Variants in EVPL observed in about 807,000 individuals in gnomAD.
The protein encoded by EVPL is envoplakin.
In EVPL, 94 loss-of-function variants were observed where a neutral mutation model predicts 129.7. The ratio of observed to expected loss-of-function variants is 0.72; its 90% CI spans 0.61 to 0.86. The LOEUF is 0.86. Among genes scored for constraint, EVPL ranks in the 40% least tolerant of loss-of-function variants. The pLI, the probability that EVPL is intolerant of heterozygous loss-of-function variation, is 0.00. For missense variants in EVPL, 2,625 were observed against 2,721.1 expected (o/e 0.96, Z 0.79); for synonymous variants, 1,172 against 1,191.1 (o/e 0.98, Z 0.33).
rs539757864 is a variant in EVPL at position 76,022,155 on chromosome 17, G to A, written c.645+34C>T. The A allele has an allele frequency of 1.2e-6, 2 of 1,609,056 alleles. No individual in the cohort carries two copies. The highest frequency in any genetic ancestry group is 2.2e-5 in the East Asian group (1 of 44,816). On this transcript the variant is annotated intron_variant, in intron 6 of 21. Coordinates refer to ENST00000301607, the MANE Select transcript of EVPL (RefSeq NM_001988.4). This position sits in a 1 kb window ranked among gnomAD's most constrained non-coding sequence, Gnocchi z 5.6. ...TCCGGGCGGCCACCCAGGCCCACCCGCAGCCTCCCTGCCCGACCCTCCCTC... is the reference window on the plus strand; with the variant it reads ...TCCGGGCGGCCACCCAGGCCCACCCACAGCCTCCCTGCCCGACCCTCCCTC...
Position 76,017,758 on chromosome 17 carries a change from C to T in EVPL, c.1691G>A (p.Gly564Asp), listed in dbSNP as rs755179988. The T allele has an allele frequency of 6.8e-6, 11 of 1,612,496 alleles. No homozygotes were observed. Among genetic ancestry groups the T allele is most frequent in the East Asian group, 4.5e-5 (2 of 44,878 alleles). ...SRPTPLEDLE[G>D]RIHSHEGTAQ... Reference sequence around the variant, plus strand: ...ACCCACCTCATGGCTGTGGATGCGGCCCTCCAAGTCCTCCAAGGGTGTGGG... The same window carrying T: ...ACCCACCTCATGGCTGTGGATGCGGTCCTCCAAGTCCTCCAAGGGTGTGGG... The change falls in exon 14 of 22, where the codon GGC (glycine) becomes GAC (aspartate). Residue 564 changes from glycine (G) to aspartate (D), a missense_variant. Coordinates refer to ENST00000301607, the MANE Select transcript of EVPL (RefSeq NM_001988.4).
At chr17:76,021,607 GTCC>G in intron 8 of EVPL, 44 bp from the exon 9 acceptor site, 1 of 1,119,728 alleles carries the variant, frequency 8.9e-7, no homozygotes, top group Non-Finnish European at 1.2e-6. Context: ...CCCCCCCCAC[GTCC>G]GCCCCACCTC....
chr17:76,021,423 G>A (rs750745504), intron 9 of EVPL, 45 bp downstream of exon 9: 15 of 1,526,954 alleles, frequency 9.8e-6, no homozygotes, highest in Admixed American at 3.7e-5. Context: ...CGCCCCTGCC[G>A]CCCCTGCCGC....
rs759430874 is a variant in EVPL, at chr17:76,007,921, C to T, written c.5284G>A (p.Glu1762Lys). 1.2e-6 allele frequency: 2 copies of T among 1,614,096 alleles called. No homozygotes were observed. The highest frequency in any genetic ancestry group is 1.7e-6 in the Non-Finnish European group (2 of 1,180,032). The change falls in exon 22 of 22, where the codon GAG becomes AAG. Residue 1762 changes from glutamate to lysine, a missense_variant. Coordinates refer to ENST00000301607, the MANE Select transcript of EVPL (RefSeq NM_001988.4). The surrounding 1 kb of genome is among the most constrained non-coding windows in gnomAD (Gnocchi z 8.8). ...ALRCRRISKE[E>K]YHLYKDGHLP... ...TGGCCGTCCTTGTACAGATGGTACT[C>T]CTCCTTAGAGATGCGCCGGCAGCGG...
chr17:76,013,918 C>T lies in EVPL; in HGVS notation c.2373+508G>A, dbSNP rs1435117187. On this transcript the variant is annotated intron_variant, in intron 18 of 21. Transcript: ENST00000301607. The surrounding 1 kb of genome is among the most constrained non-coding windows in gnomAD (Gnocchi z 4.3). ...TGTGGTCTGCCCATCTGGTCGCCCT[C>T]GCCCCTGAGTCCCCCTCCTTTCCCC... Among the ~76,000 whole-genome samples, 1 of 152,132 alleles carries T rather than the reference C, an allele frequency of 6.6e-6. No individual in the cohort carries two copies.
chr17:76,015,017 C>G lies in EVPL; in HGVS notation c.2121G>C (p.Gln707His). The G allele has an allele frequency of 6.3e-7, 1 of 1,595,866 alleles. No homozygotes were observed. The highest frequency in any genetic ancestry group is 2.2e-5 in the East Asian group (1 of 44,700). Reference sequence around the variant, plus strand: ...CTTGGCAGAACTCCTGGAAGTTGTTCTGCAGGGCAGCGCATGCGTGCTCCG... The same window carrying G: ...CTTGGCAGAACTCCTGGAAGTTGTTGTGCAGGGCAGCGCATGCGTGCTCCG... ...KASEHACAAL[Q>H]NNFQEFCQDL... Residue 707 changes from glutamine to histidine, a missense_variant, in exon 17 of 22, where the codon CAG (glutamine) becomes CAC (histidine). Gln to His is a conservative substitution (Grantham distance 24). Coordinates refer to ENST00000301607, the MANE Select transcript of EVPL (RefSeq NM_001988.4).
At position 76,008,772 on chromosome 17, in the gene EVPL, G is replaced by A. The variant is rs753094081; in HGVS notation, c.4433C>T (p.Thr1478Met). The A allele has an allele frequency of 9.3e-6, 15 of 1,613,990 alleles. No individual in the cohort carries two copies. Among genetic ancestry groups the A allele is most frequent in the Admixed American group, 1.7e-5 (1 of 59,992 alleles). ...LEKDPDLEKS[T>M]EALRWDLDQE... ...GTCCAGGTCCCACCGCAGGGCTTCC[G>A]TGGACTTCTCCAGGTCCGGGTCCTT... is the stretch of plus-strand genomic sequence containing the variant. The change falls in exon 22 of 22, where the codon ACG (threonine) becomes ATG (methionine). Residue 1478 changes from threonine (T) to methionine (M), a missense_variant. By Grantham distance (81) the Thr-to-Met change is moderately conservative. Transcript: ENST00000301607. This position sits in a 1 kb window ranked among gnomAD's most constrained non-coding sequence, Gnocchi z 7.4.
intron 1 of EVPL, 61 bp downstream of exon 1, chr17:76,027,040 C>A (rs2144449007): frequency 9.6e-7 from 1 of 1,043,108 alleles, no homozygotes; most frequent in Non-Finnish European, 1.4e-6. Context: ...GGCTCAAGGA[C>A]CTGGGCCTGG....
rs201552354 is a variant in EVPL at position 76,007,585 on chromosome 17, G to A, written c.5620C>T (p.Arg1874Cys). Reference sequence around the variant, plus strand: ...GCCTTGTGCACAGAGTAGCGCTCACGGCTGAGCAGGTCCACGATGCCCCCT... The same window carrying A: ...GCCTTGTGCACAGAGTAGCGCTCACAGCTGAGCAGGTCCACGATGCCCCCT... ...ATGGIVDLLS[R>C]ERYSVHKAME... The change falls in exon 22 of 22, where the codon CGT becomes TGT. Residue 1874 changes from arginine to cysteine, a missense_variant. This residue lies in a region of EVPL where 1,453 missense variants were observed against 1,511.8 expected (regional missense o/e 0.96). Coordinates refer to ENST00000301607, the MANE Select transcript of EVPL (RefSeq NM_001988.4). The surrounding 1 kb of genome is among the most constrained non-coding windows in gnomAD (Gnocchi z 8.8). The A allele has an allele frequency of 6.5e-5, 105 of 1,614,012 alleles. No individual in the cohort carries two copies. Among genetic ancestry groups the A allele is most frequent in the Non-Finnish European group, 8.1e-5 (95 of 1,180,042 alleles).
Position 76,027,168 on chromosome 17 carries a change from C to T in EVPL, c.31G>A (p.Gly11Arg). The T allele has an allele frequency of 6.3e-7, 1 of 1,590,364 alleles. No homozygotes were observed. Among genetic ancestry groups the T allele is most frequent in the Non-Finnish European group, 8.5e-7 (1 of 1,171,154 alleles). The change falls in exon 1 of 22, where the codon GGG (glycine) becomes AGG (arginine). Residue 11 changes from glycine (G) to arginine (R), a missense_variant. By Grantham distance (125) the Gly-to-Arg change is moderately radical (BLOSUM62 -2). Transcript: ENST00000301607. ...GGGGAGCCCTTGGGGGACCCCTTCC[C>T]CTGGGAGCCTTTGCTCAGCCCCTTG... MFKGLSKGSQ[G>R]KGSPKGSPAK...
chr17:76,022,674 T>G lies in EVPL; in HGVS notation c.481-136A>C. 8.2e-7 allele frequency: 1 copy of G among 1,219,284 alleles called. No individual in the cohort carries two copies. Among genetic ancestry groups the G allele is most frequent in the Middle Eastern group, 2.9e-4 (1 of 3,504 alleles). The allele number at this position is 1,219,284 out of a possible 1,614,324, so 75.5% of individuals were successfully genotyped here. ...CGAGCCTGGGAGCAGCCCGGGTGCA[T>G]GCCCTGCAGCTCCCCCAGGGGCGAG... On this transcript the variant is annotated intron_variant, in intron 4 of 21. Transcript: ENST00000301607. The surrounding 1 kb of genome is among the most constrained non-coding windows in gnomAD (Gnocchi z 5.6).
chr17:76,009,962 C>A lies in EVPL; in HGVS notation c.3243G>T (p.Lys1081Asn). The A allele has an allele frequency of 1.2e-6, 2 of 1,614,098 alleles. No individual in the cohort carries two copies. Among genetic ancestry groups the A allele is most frequent in the Non-Finnish European group, 1.7e-6 (2 of 1,180,018 alleles). The part of the protein sequence containing the change: ...KEKVVVKEVV[K>N]VEKNLEMVKA... ...TGACCATTTCCAGATTCTTCTCCAC[C>A]TTGACTACCTCTTTCACCACGACCT... Residue 1081 changes from lysine (K) to asparagine (N), a missense_variant, in exon 22 of 22, where the codon AAG (lysine) becomes AAT (asparagine). By Grantham distance (94) the Lys-to-Asn change is moderately conservative. Coordinates refer to ENST00000301607, the MANE Select transcript of EVPL (RefSeq NM_001988.4). The surrounding 1 kb of genome is among the most constrained non-coding windows in gnomAD (Gnocchi z 5.9).
intron 14 of EVPL, 116 bp downstream of exon 14, chr17:76,017,623 C>CCCTTCT: frequency 7.0e-7 from 1 of 1,423,274 alleles, no homozygotes; most frequent in Non-Finnish European, 9.4e-7. Flanking sequence ...TCTGTCCACA[C>CCCTTCT]CCTTCTCCAT....
At chr17:76,012,250 T>C in intron 18 of EVPL, 161 bp from the exon 19 acceptor site, 1 of 577,352 alleles carries the variant, frequency 1.7e-6, no homozygotes, top group Non-Finnish European at 3.1e-6. Context: ...TTCCCTGACA[T>C]CATTCTCTCT....
rs772101843 is a variant in EVPL at position 76,015,517 on chromosome 17, C to G, written c.1822G>C (p.Val608Leu). 3.1e-6 allele frequency: 5 copies of G among 1,612,818 alleles called. No individual in the cohort carries two copies. The change falls in exon 15 of 22, where the codon GTA becomes CTA. Residue 608 changes from valine (V) to leucine (L), a missense_variant. Coordinates refer to ENST00000301607, the MANE Select transcript of EVPL (RefSeq NM_001988.4). ...PVGPAALQLP[V>L]ALNSVKNKFS... ...TTGTTCTTCACGCTGTTGAGGGCTACGGGCAGCTGCAGGGCAGCGGGGCCC... is the reference window on the plus strand; with the variant it reads ...TTGTTCTTCACGCTGTTGAGGGCTAGGGGCAGCTGCAGGGCAGCGGGGCCC...
chr17:76,012,155 A>C, intron 18 of EVPL, 66 bp from the exon 19 acceptor site: 1 of 1,267,354 alleles, frequency 7.9e-7, no homozygotes. Context: ...TCCTCTAGCC[A>C]GTGCCTCCAG....
chr17:76,022,312 A>T lies in EVPL; in HGVS notation c.607-85T>A, dbSNP rs1042546223. 1 of 1,594,806 alleles carries T rather than the reference A, an allele frequency of 6.3e-7. No individual in the cohort carries two copies. The highest frequency in any genetic ancestry group is 8.5e-7 in the Non-Finnish European group (1 of 1,171,146). ...CTAAGATCTGGGCCAGCCATACCCC[A>T]CCCACCCCTATCCCCAGGGCCCAGC... On this transcript the variant is annotated intron_variant, in intron 5 of 21. Coordinates refer to ENST00000301607, the MANE Select transcript of EVPL (RefSeq NM_001988.4). This position sits in a 1 kb window ranked among gnomAD's most constrained non-coding sequence, Gnocchi z 5.6.
chr17:76,025,232 G>T (rs543551329), intron 1 of EVPL, among the ~76,000 whole-genome samples: 1 of 152,174 alleles, frequency 6.6e-6, no homozygotes, highest in Non-Finnish European at 1.5e-5. Flanking sequence ...CATCTGAAAC[G>T]TCCAGTGCAG....
Position 76,008,569 on chromosome 17 carries a change from C to T in EVPL, c.4636G>A (p.Glu1546Lys), listed in dbSNP as rs1337908064. Reference protein sequence around the residue: ...RARVWEMLNRERTARQAREEE... With the variant: ...RARVWEMLNRKRTARQAREEE... ...TCCCGGGCCTGCCGGGCCGTGCGCT[C>T]CCTGTTGAGCATCTCCCACACGCGG... Residue 1546 changes from glutamate (E) to lysine (K), a missense_variant, in exon 22 of 22, where the codon GAG becomes AAG. Physicochemically the swap from Glu to Lys is moderately conservative, Grantham distance 56. This residue lies in a region of EVPL where 1,453 missense variants were observed against 1,511.8 expected (regional missense o/e 0.96). Transcript: ENST00000301607. The surrounding 1 kb of genome is among the most constrained non-coding windows in gnomAD (Gnocchi z 7.4). 1.2e-6 allele frequency: 2 copies of T among 1,610,406 alleles called. No homozygotes were observed. Among genetic ancestry groups the T allele is most frequent in the Non-Finnish European group, 1.7e-6 (2 of 1,179,990 alleles).
Sources: gnomAD v4.1 joint callset for allele counts (sites outside exome capture counted in the v4.1 genomes callset) on GRCh38, gnomAD v4.1.1 for gene constraint, gnomAD v4.1.1 regional missense constraint, Gnocchi (gnomAD v3.1) non-coding constraint, MANE v1.5 for transcripts, NCBI Gene and HGNC (gene_info 2026-07-23, HGNC 2026-07-21) for gene names.